NFIB: variants seen among roughly 807,000 people sequenced by gnomAD.
The protein encoded by NFIB is nuclear factor I B.
A neutral mutation model predicts 61.5 loss-of-function variants in NFIB; 11 were observed. That is an observed-to-expected ratio of 0.18 (90% CI 0.11 to 0.30). The LOEUF is 0.30. Ranked by LOEUF, NFIB falls within the 10% of genes least tolerant of loss-of-function variation. The probability of loss-of-function intolerance (pLI) is 1.00; values close to 1 mark genes in which losing one functional copy is unlikely to be tolerated. For missense variants in NFIB, 471 were observed against 608.9 expected, an observed-to-expected ratio of 0.77 and a Z score of 2.38; for synonymous variants, 260 against 216.5, an observed-to-expected ratio of 1.20 and a Z score of -1.76.
Position 14,313,869 on chromosome 9 carries a change from T to G in NFIB, c.-358A>C, listed in dbSNP as rs1471619928. On this transcript the variant is annotated 5_prime_UTR_variant, in exon 1 of 11. Transcript: ENST00000380953. The surrounding 1 kb of genome is among the most constrained non-coding windows in gnomAD (Gnocchi z 4.5). ...TTTGCAGTTGTTGTTGTTGTTGGGGTGTAGGGGGTGCGCGAAGGTTCGGTG... is the reference window on the plus strand; with the variant it reads ...TTTGCAGTTGTTGTTGTTGTTGGGGGGTAGGGGGTGCGCGAAGGTTCGGTG... 1.8e-6 allele frequency: 2 copies of G among 1,129,758 alleles called. No homozygotes were observed. Among genetic ancestry groups the G allele is most frequent in the East Asian group, 9.1e-5 (2 of 21,978 alleles). The allele number at this position is 1,129,758 out of a possible 1,614,324, so 70.0% of individuals were successfully genotyped here.
At chr9:14,241,098 CACCGAAT>C (rs2054296382) in intron 2 of NFIB, among the ~76,000 whole-genome samples, 1 of 152,214 alleles carries the variant, frequency 6.6e-6, no homozygotes, top group Non-Finnish European at 1.5e-5. Flanking sequence ...TACACTCAGG[CACCGAAT>C]ACCTTTTAGG....
chr9:14,304,755 C>G (rs1264985157), intron 2 of NFIB, among the ~76,000 whole-genome samples: 1 of 152,184 alleles, frequency 6.6e-6, no homozygotes, highest in Non-Finnish European at 1.5e-5. Context: ...AGTCATCACT[C>G]GCGATATGCA....
At chr9:14,241,506 A>G (rs1374915556) in intron 2 of NFIB, among the ~76,000 whole-genome samples, 6 of 132,460 alleles carry the variant, frequency 4.5e-5, no homozygotes, top group African/African-American at 1.6e-4. Flanking sequence ...AGCATATTAC[A>G]TAATTCAAAA....
chr9:14,412,835 A>G, the NFIB span, among the ~76,000 whole-genome samples: 1 of 152,202 alleles, frequency 6.6e-6, no homozygotes, highest in Non-Finnish European at 1.5e-5. Context: ...CATTTTATTT[A>G]GGAGCTTTAA....
chr9:14,458,577 G>A, the NFIB span, among the ~76,000 whole-genome samples: 4 of 152,148 alleles, frequency 2.6e-5, no homozygotes, highest in East Asian at 7.7e-4. Flanking sequence ...AAGTCAAATT[G>A]TCCCTCTTTG....
chr9:14,236,489 G>T (rs1042630151), intron 2 of NFIB, among the ~76,000 whole-genome samples: 14 of 152,202 alleles, frequency 9.2e-5, no homozygotes, highest in African/African-American at 3.4e-4. Flanking sequence ...GATAGGAAAT[G>T]ATCCATTTTC....
chr9:14,119,659 A>G (rs551970495), intron 8 of NFIB, among the ~76,000 whole-genome samples: 1 of 152,336 alleles, frequency 6.6e-6, no homozygotes, highest in East Asian at 1.9e-4. Context: ...AAAGCAGCAA[A>G]GCTAAATATC....
intron 3 of NFIB, among the ~76,000 whole-genome samples, chr9:14,163,364 C>G (rs1250756681): frequency 1.3e-5 from 2 of 151,766 alleles, no homozygotes; most frequent in African/African-American, 2.4e-5. Context: ...TTTAGGTCAA[C>G]TGAAAAATAC....
intron 8 of NFIB, among the ~76,000 whole-genome samples, chr9:14,117,280 T>C (rs1017713323): frequency 6.6e-6 from 1 of 152,196 alleles, no homozygotes. Context: ...ATCTGAGTTT[T>C]AGCTCCTGGG....
chr9:14,145,887 A>G (rs1007927477), intron 6 of NFIB, among the ~76,000 whole-genome samples: 1 of 151,824 alleles, frequency 6.6e-6, no homozygotes, highest in Non-Finnish European at 1.5e-5. Context: ...TTAATGCAGA[A>G]TTCTATTTAA....
At position 14,179,788 on chromosome 9, in the gene NFIB, G is replaced by T. The variant is rs776517285; in HGVS notation, c.563-8C>A. The T allele has an allele frequency of 6.2e-7, 1 of 1,612,332 alleles. No individual in the cohort carries two copies. Among genetic ancestry groups the T allele is most frequent in the Non-Finnish European group, 8.5e-7 (1 of 1,179,086 alleles). On this transcript the variant is annotated splice_polypyrimidine_tract_variant and splice_region_variant and intron_variant, in intron 2 of 10. Transcript: ENST00000380953. ...TTCCTGATTGTCCAGAATCTGTAAA[G>T]AAATCACAGAAAATGTTTTCTTTTT... is the stretch of plus-strand genomic sequence containing the variant.
At chr9:14,145,745 G>C (rs1447839336) in intron 6 of NFIB, among the ~76,000 whole-genome samples, 1 of 150,630 alleles carries the variant, frequency 6.6e-6, no homozygotes, top group Non-Finnish European at 1.5e-5. Context: ...CTGCTTCCCA[G>C]GCTCAACTGA....
chr9:14,346,193 G>A lies in NFIB; in HGVS notation c.109-38673C>T, dbSNP rs577513762. On this transcript the variant is annotated intron_variant, in intron 1 of 8. Transcript: ENST00000380934. Reference sequence around the variant, plus strand: ...AAAGAGACTTGCGGTGGGCGCCGGAGTCAAGTCTCCTGATGTTCATGCGGA... The same window carrying A: ...AAAGAGACTTGCGGTGGGCGCCGGAATCAAGTCTCCTGATGTTCATGCGGA... 9.2e-5 allele frequency among the ~76,000 whole-genome samples: 14 copies of A among 151,854 alleles called. No individual in the cohort carries two copies. In the East Asian group the frequency reaches 2.7e-3, roughly 30 times the overall value.
At chr9:14,237,652 C>G (rs2053879175) in intron 2 of NFIB, among the ~76,000 whole-genome samples, 1 of 152,084 alleles carries the variant, frequency 6.6e-6, no homozygotes, top group Admixed American at 6.6e-5. Flanking sequence ...AAATAACTCC[C>G]AAATAGCCCA....
At chr9:14,471,407 T>C in the NFIB span, among the ~76,000 whole-genome samples, 1 of 152,214 alleles carries the variant, frequency 6.6e-6, no homozygotes, top group Admixed American at 6.5e-5. Flanking sequence ...GTGTACCACA[T>C]GTGGAATGCC....
chr9:14,375,840 T>A (rs958808869), intron 1 of NFIB, among the ~76,000 whole-genome samples: 3 of 152,064 alleles, frequency 2.0e-5, no homozygotes, highest in African/African-American at 7.2e-5. Flanking sequence ...AAGTATGGGA[T>A]GGGAAATTAA....
chr9:14,386,720 A>G (rs2061553556), intron 1 of NFIB, among the ~76,000 whole-genome samples: 2 of 152,156 alleles, frequency 1.3e-5, no homozygotes, highest in Non-Finnish European at 1.5e-5. Flanking sequence ...CTATTTTTAT[A>G]TATTTATTAG....
the NFIB span, among the ~76,000 whole-genome samples, chr9:14,502,143 A>T: frequency 6.6e-6 from 1 of 152,214 alleles, no homozygotes; most frequent in Non-Finnish European, 1.5e-5. Flanking sequence ...TATGATGCAG[A>T]TCCTGTCATC....
chr9:14,406,437 C>T, the NFIB span, among the ~76,000 whole-genome samples: 4 of 152,174 alleles, frequency 2.6e-5, no homozygotes, highest in African/African-American at 7.2e-5. Flanking sequence ...TGAATCTGGA[C>T]CTGATGGGGA....
Sources: gnomAD v4.1 joint callset for allele counts (sites outside exome capture counted in the v4.1 genomes callset) on GRCh38, gnomAD v4.1.1 for gene constraint, Gnocchi (gnomAD v3.1) non-coding constraint, MANE v1.5 for transcripts, NCBI Gene and HGNC (gene_info 2026-07-23, HGNC 2026-07-21) for gene names.